Variants in ERG observed in about 807,000 individuals in gnomAD.
ERG encodes the protein transcriptional regulator ERG.
A neutral mutation model predicts 55.3 loss-of-function variants in ERG; 9 were observed. That is an observed-to-expected ratio of 0.16 (90% CI 0.10 to 0.28). The LOEUF is 0.28. Among genes scored for constraint, ERG ranks in the 10% least tolerant of loss-of-function variants. The pLI is 1.00. For synonymous variants in ERG, 223 were observed against 237.3 expected, an observed-to-expected ratio of 0.94 and a Z score of 0.55; for missense variants, 434 against 631.6, an observed-to-expected ratio of 0.69 and a Z score of 3.35.
chr21:38,528,610 G>T (rs2059649355), intron 2 of ERG, among the ~76,000 whole-genome samples: 1 of 94,938 alleles, frequency 1.1e-5, no homozygotes, highest in Non-Finnish European at 2.4e-5. Flanking sequence ...ACTACGCCCG[G>T]CTAATTTTTT....
intron 1 of ERG, among the ~76,000 whole-genome samples, chr21:38,479,536 G>A (rs1174846821): frequency 6.6e-6 from 1 of 152,204 alleles, no homozygotes; most frequent in African/African-American, 2.4e-5. Flanking sequence ...ATAAGAGGCT[G>A]AGCAGGACAC....
intron 2 of ERG, among the ~76,000 whole-genome samples, chr21:38,535,196 G>GT (rs1263120056): frequency 3.3e-5 from 5 of 152,156 alleles, no homozygotes; most frequent in African/African-American, 1.2e-4. Flanking sequence ...GACAAACAGT[G>GT]TATGATTCTA....
chr21:38,550,523 C>T (rs2059817711), intron 2 of ERG, among the ~76,000 whole-genome samples: 1 of 152,174 alleles, frequency 6.6e-6, no homozygotes, highest in African/African-American at 2.4e-5. Flanking sequence ...GATTCCCTCA[C>T]CCTTTTGTCA....
rs1407306972 is a variant in ERG, at chr21:38,382,269, ACAAAC to A, written c.*1129_*1133del. ...ACATTGACTTGTATACTTCATTCTG[ACAAAC>A]GCACAGCGTTCGCGACTCAAAGGAA... On this transcript the variant is annotated 3_prime_UTR_variant, in exon 10 of 10. Coordinates refer to ENST00000288319, the MANE Select transcript of ERG (RefSeq NM_182918.4). 26 of 1,052,390 alleles carry A rather than the reference ACAAAC, an allele frequency of 2.5e-5. No individual in the cohort carries two copies. The highest frequency in any genetic ancestry group is 2.9e-5 in the Non-Finnish European group (25 of 870,828). The allele number at this position is 1,052,390 out of a possible 1,614,324, so 65.2% of individuals were successfully genotyped here. A position where few individuals can be genotyped will look rare whatever the true frequency, so the allele number is the denominator to read the frequency against.
chr21:38,599,510 C>T (rs1327385967), intron 1 of ERG, among the ~76,000 whole-genome samples: 1 of 152,160 alleles, frequency 6.6e-6, no homozygotes, highest in East Asian at 1.9e-4. Flanking sequence ...ATTAATAGCC[C>T]TTGTTGTCCT....
At chr21:38,573,161 AG>A (rs199876384) in intron 2 of ERG, among the ~76,000 whole-genome samples, 1,609 of 152,364 alleles carry the variant, frequency 0.011, 25 homozygotes, top group African/African-American at 0.035. Context: ...TCAATAAACC[AG>A]GGGCACAATG....
intron 2 of ERG, among the ~76,000 whole-genome samples, chr21:38,534,284 A>G (rs1374262031): frequency 6.6e-6 from 1 of 152,158 alleles, no homozygotes; most frequent in African/African-American, 2.4e-5. Flanking sequence ...ATTTTTTTTA[A>G]TGTCACAATT....
chr21:38,568,734 T>C (rs552191073), intron 2 of ERG, among the ~76,000 whole-genome samples: 1 of 152,318 alleles, frequency 6.6e-6, no homozygotes, highest in South Asian at 2.1e-4. Flanking sequence ...GAATTGAGCC[T>C]GGACACCCTT....
At position 38,590,568 on chromosome 21, in the gene ERG, T is replaced by TCATCCATCCATCCATC. The variant is rs141969690; in HGVS notation, c.-149-5639_-149-5624dup. On this transcript the variant is annotated intron_variant, in intron 1 of 10. Coordinates refer to the ERG transcript ENST00000398910. ...CAAATCCATTCATTCATACAATTGT[T>TCATCCATCCATCCATC]CATCCATCCATCCATCCATCCATCC... Among the ~76,000 whole-genome samples the TCATCCATCCATCCATC allele has an allele frequency of 2.1e-4, 32 of 150,442 alleles. No individual in the cohort carries two copies. The East Asian group carries it at 4.7e-3, about 22-fold the overall frequency.
chr21:38,371,675 G>A, the ERG span, among the ~76,000 whole-genome samples: 149 of 151,956 alleles, frequency 9.8e-4, no homozygotes, highest in Middle Eastern at 0.031. Context: ...TTGATTTCCC[G>A]ATATTAACCC....
intron 2 of ERG, among the ~76,000 whole-genome samples, chr21:38,534,842 GAATA>G (rs1229070897): frequency 3.3e-5 from 5 of 152,112 alleles, no homozygotes. Context: ...ACAGATGAAT[GAATA>G]AACAAAATGT....
chr21:38,417,499 G>C (rs1269139346), intron 3 of ERG, among the ~76,000 whole-genome samples: 1 of 152,150 alleles, frequency 6.6e-6, no homozygotes, highest in African/African-American at 2.4e-5. Context: ...AATTAAAACA[G>C]AAAAAGAGGC....
In ERG at chr21:38,435,887, G is replaced by A. The variant is rs771999631; in HGVS notation, c.236+9517C>T. 7.9e-4 allele frequency among the ~76,000 whole-genome samples: 120 copies of A among 152,276 alleles called. 2 individuals are homozygous for A. Among genetic ancestry groups the A allele is most frequent in the South Asian group, 4.1e-4 (2 of 4,822 alleles). On this transcript the variant is annotated intron_variant, in intron 2 of 9. Coordinates refer to ENST00000288319, the MANE Select transcript of ERG (RefSeq NM_182918.4). ...GTGACATCTTTTCTATCTTGTGCAC[G>A]TCTTTTAATTTGTCTGAAAGACTCC...
intron 1 of ERG, among the ~76,000 whole-genome samples, chr21:38,458,826 T>C (rs1406892083): frequency 1.3e-5 from 2 of 152,166 alleles, no homozygotes; most frequent in Admixed American, 1.3e-4. Flanking sequence ...CTCTCTTCTC[T>C]TCTCCAACCT....
intron 2 of ERG, among the ~76,000 whole-genome samples, chr21:38,431,392 T>C (rs1990203421): frequency 3.3e-5 from 5 of 152,342 alleles, no homozygotes; most frequent in African/African-American, 1.2e-4. Context: ...TCCAGAGTTC[T>C]ATTTATAAAT....
intron 1 of ERG, among the ~76,000 whole-genome samples, chr21:38,643,883 G>A (rs1293803317): frequency 6.6e-6 from 1 of 152,230 alleles, no homozygotes; most frequent in Non-Finnish European, 1.5e-5. Flanking sequence ...CGTGGGGCAG[G>A]AAGAACACAC....
chr21:38,400,700 C>T, intron 5 of ERG, 55 bp from the exon 6 acceptor site: 2 of 1,382,990 alleles, frequency 1.4e-6, no homozygotes, highest in Non-Finnish European at 2.0e-6. Context: ...GGTTGTCGAT[C>T]TCAACATCAG....
At chr21:38,491,341 T>C (rs367649883) in intron 1 of ERG, among the ~76,000 whole-genome samples, 17 of 152,164 alleles carry the variant, frequency 1.1e-4, no homozygotes, top group African/African-American at 4.1e-4. Flanking sequence ...AGAAGGGTCC[T>C]GTCTTCAGTG....
chr21:38,467,009 C>T (rs993991300), intron 1 of ERG, among the ~76,000 whole-genome samples: 2 of 152,146 alleles, frequency 1.3e-5, no homozygotes, highest in Admixed American at 1.3e-4. Context: ...CTCTTAAAGT[C>T]ACAGAGGTAG....
Sources: allele counts gnomAD v4.1 joint callset (sites outside exome capture counted in the v4.1 genomes callset), GRCh38; gene constraint gnomAD v4.1.1; transcripts MANE v1.5; gene names NCBI Gene and HGNC (gene_info 2026-07-23, HGNC 2026-07-21).